INPP5A: variants seen among roughly 807,000 people sequenced by gnomAD.
INPP5A encodes 43 kDa inositol polyphosphate 5-phophatase.
INPP5A carries 14 observed loss-of-function variants against 65.2 expected under a neutral mutation model. The observed-to-expected ratio is 0.21, with a 90% CI of 0.14 to 0.34. The LOEUF (loss-of-function observed/expected upper bound fraction) is 0.34, where lower values mean the gene tolerates loss of function less well. INPP5A is among the 10% of genes least tolerant of loss of function. The probability of loss-of-function intolerance (pLI) is 1.00; values close to 1 mark genes in which losing one functional copy is unlikely to be tolerated. For synonymous variants in INPP5A, 207 were observed against 208.3 expected, an observed-to-expected ratio of 0.99 and a Z score of 0.05; for missense variants, 431 against 545.6, an observed-to-expected ratio of 0.79 and a Z score of 2.09.
At chr10:132,591,018 C>T (rs2071612897) in intron 1 of INPP5A, among the ~76,000 whole-genome samples, 1 of 152,234 alleles carries the variant, frequency 6.6e-6, no homozygotes, top group Admixed American at 6.5e-5. Context: ...GGCATCGCCC[C>T]ACTCCCAGCT....
chr10:132,714,289 C>T (rs1273281907), intron 8 of INPP5A, among the ~76,000 whole-genome samples: 1 of 152,192 alleles, frequency 6.6e-6, no homozygotes, highest in East Asian at 1.9e-4. Context: ...TGGGGCGGGC[C>T]GCGCAACACA....
chr10:132,688,457 T>C (rs368256684), intron 4 of INPP5A, among the ~76,000 whole-genome samples: 61 of 152,322 alleles, frequency 4.0e-4, no homozygotes, highest in African/African-American at 1.4e-3. Flanking sequence ...GTTCAGGCAT[T>C]GCCTTTGACT....
At chr10:132,712,603 GGTGTGTGGGTGCATGT>G (rs1845662774) in intron 8 of INPP5A, among the ~76,000 whole-genome samples, 1 of 147,960 alleles carries the variant, frequency 6.8e-6, no homozygotes, top group African/African-American at 2.5e-5. Flanking sequence ...TGTGTGCGCG[GGTGTGTGGGTGCATGT>G]GTGTGTGGGT....
intron 1 of INPP5A, among the ~76,000 whole-genome samples, chr10:132,590,092 A>G (rs993552521): frequency 2.0e-5 from 3 of 152,206 alleles, no homozygotes; most frequent in African/African-American, 7.2e-5. Flanking sequence ...AAGGTGGCTG[A>G]GAGTTATGGC....
intron 1 of INPP5A, among the ~76,000 whole-genome samples, chr10:132,600,165 T>C (rs779443217): frequency 6.6e-6 from 1 of 152,246 alleles, no homozygotes; most frequent in East Asian, 1.9e-4. Context: ...CTCTATCACA[T>C]ATTCAGGCTT....
At chr10:132,656,943 C>T (rs774719807) in intron 4 of INPP5A, among the ~76,000 whole-genome samples, 1 of 152,204 alleles carries the variant, frequency 6.6e-6, no homozygotes, top group Non-Finnish European at 1.5e-5. Context: ...AGCGACAGGG[C>T]TGTGTGGGGA....
chr10:132,600,424 A>T (rs2071760898), intron 1 of INPP5A, among the ~76,000 whole-genome samples: 1 of 152,140 alleles, frequency 6.6e-6, no homozygotes, highest in Non-Finnish European at 1.5e-5. Flanking sequence ...ATCTGAGACC[A>T]CCTCAGCCTG....
At position 132,678,102 on chromosome 10, in the gene INPP5A, G is replaced by A. The variant is rs2072992197; in HGVS notation, c.307-12290G>A. On this transcript the variant is annotated intron_variant, in intron 4 of 15. Coordinates refer to ENST00000368594, the MANE Select transcript of INPP5A (RefSeq NM_005539.5). This position sits in a 1 kb window ranked among gnomAD's most constrained non-coding sequence, Gnocchi z 4.1. ...GTGCCGTCATCCCGTTTGGCCCCAG[G>A]AGCTGAAATTGGAAAGTCAGTGCTT... Among the ~76,000 whole-genome samples the A allele has an allele frequency of 6.6e-6, 1 of 152,226 alleles. No individual in the cohort carries two copies. The highest frequency in any genetic ancestry group is 6.5e-5 in the Admixed American group (1 of 15,286).
At chr10:132,752,929 T>C (rs1846522628) in intron 11 of INPP5A, among the ~76,000 whole-genome samples, 1 of 152,116 alleles carries the variant, frequency 6.6e-6, no homozygotes, top group African/African-American at 2.4e-5. Context: ...CGCTGTGGGG[T>C]TGAAGCCACG....
At chr10:132,656,726 T>C (rs184769521) in intron 4 of INPP5A, among the ~76,000 whole-genome samples, 15 of 152,264 alleles carry the variant, frequency 9.9e-5, no homozygotes, top group Admixed American at 9.8e-4. Context: ...TGCCCCGGGC[T>C]CCTGAGAGGA....
intron 8 of INPP5A, among the ~76,000 whole-genome samples, chr10:132,717,980 G>A: frequency 7.0e-6 from 1 of 143,586 alleles, no homozygotes; most frequent in South Asian, 2.3e-4. Flanking sequence ...CTTTCTGGGG[G>A]CGCCTTAGAC....
chr10:132,703,313 C>A (rs1845467194), intron 6 of INPP5A, among the ~76,000 whole-genome samples: 2 of 152,090 alleles, frequency 1.3e-5, no homozygotes, highest in South Asian at 4.1e-4. Flanking sequence ...TGCCTGTCTT[C>A]CCATCCATGT....
rs1385690769 is a variant in INPP5A at position 132,762,747 on chromosome 10, T to A, written c.904-3026T>A. The stretch of plus-strand genomic sequence containing the variant: ...TTGGGGCTGGGCACGGTAGAACACT[T>A]GGGGAGGCCGAGGCAGGAGGATTGC... On this transcript the variant is annotated intron_variant, in intron 11 of 15. Transcript: ENST00000368594. The surrounding 1 kb of genome is among the most constrained non-coding windows in gnomAD (Gnocchi z 4.6). Among the ~76,000 whole-genome samples, 1 of 152,026 alleles carries A rather than the reference T, an allele frequency of 6.6e-6. No homozygotes were observed. Among genetic ancestry groups the A allele is most frequent in the Non-Finnish European group, 1.5e-5 (1 of 67,992 alleles).
chr10:132,640,213 G>C (rs2072408426), intron 2 of INPP5A, among the ~76,000 whole-genome samples: 1 of 152,246 alleles, frequency 6.6e-6, no homozygotes, highest in Non-Finnish European at 1.5e-5. Flanking sequence ...CCCTGATGAG[G>C]TACAGACCAT....
intron 4 of INPP5A, among the ~76,000 whole-genome samples, chr10:132,672,307 A>G (rs765625198): frequency 1.3e-5 from 2 of 152,212 alleles, no homozygotes; most frequent in African/African-American, 2.4e-5. Flanking sequence ...AAATGTGAGG[A>G]CAGGAGATCT....
intron 9 of INPP5A, among the ~76,000 whole-genome samples, chr10:132,733,369 C>T (rs544707011): frequency 1.2e-4 from 18 of 152,324 alleles, no homozygotes; most frequent in Non-Finnish European, 2.2e-4. Context: ...GCACAGAAAA[C>T]GTTTCTTTGA....
chr10:132,717,720 T>G (rs2134551073), intron 8 of INPP5A, among the ~76,000 whole-genome samples: 1 of 143,484 alleles, frequency 7.0e-6, no homozygotes. Flanking sequence ...GGGTTCTGTC[T>G]GGGCGCCTTA....
chr10:132,661,289 T>C (rs2072734552), intron 4 of INPP5A, among the ~76,000 whole-genome samples: 1 of 152,252 alleles, frequency 6.6e-6, no homozygotes, highest in South Asian at 2.1e-4. Flanking sequence ...ATGAAGTGCT[T>C]TCATGAATAG....
intron 1 of INPP5A, among the ~76,000 whole-genome samples, chr10:132,568,243 T>TACC (rs1400627524): frequency 2.9e-4 from 43 of 150,026 alleles, no homozygotes; most frequent in African/African-American, 1.0e-3. Context: ...TTTTTCCTGG[T>TACC]GTTCACCTGG....
Sources: allele counts gnomAD v4.1 joint callset (sites outside exome capture counted in the v4.1 genomes callset), GRCh38; gene constraint gnomAD v4.1.1; non-coding constraint Gnocchi (gnomAD v3.1); transcripts MANE v1.5; gene names NCBI Gene and HGNC (gene_info 2026-07-23, HGNC 2026-07-21).